PHACTR4: variants seen among roughly 807,000 people sequenced by gnomAD.
The protein encoded by PHACTR4 is phosphatase and actin regulator 4, also known as protein phosphatase 1, regulatory subunit 124.
In PHACTR4, 51 loss-of-function variants were observed where a neutral mutation model predicts 72.7. The observed-to-expected ratio is 0.70, with a 90% CI of 0.56 to 0.89. The LOEUF is 0.89. PHACTR4 is among the 40% of genes least tolerant of loss of function. The pLI, the probability that PHACTR4 is intolerant of heterozygous loss-of-function variation, is 0.00. For missense variants in PHACTR4, 731 were observed against 861.8 expected (o/e 0.85, Z 1.90); for synonymous variants, 255 against 302.5 (o/e 0.84, Z 1.63).
intron 1 of PHACTR4, among the ~76,000 whole-genome samples, chr1:28,397,136 T>C (rs1234047746): frequency 1.3e-5 from 2 of 152,186 alleles, no homozygotes; most frequent in African/African-American, 2.4e-5. Context: ...CATGATAGAA[T>C]TAAAAACTGC....
rs1658636734 is a variant in PHACTR4 at position 28,459,356 on chromosome 1, A to C, written c.190+98A>C. 5 of 901,360 alleles carry C rather than the reference A, an allele frequency of 5.5e-6. No homozygotes were observed. The East Asian group carries it at 1.1e-4, about 20-fold the overall frequency. 55.8% of individuals were successfully genotyped at this position (901,360 alleles called of 1,614,324 possible). A position where few individuals can be genotyped will look rare whatever the true frequency, so the allele number is the denominator to read the frequency against. ...TCTTCCCAAGTTTCTGTAGTCCTCT[A>C]TTTGAAGAGGGTATTTAATGTTTTA... On this transcript the variant is annotated intron_variant, in intron 3 of 13. Coordinates refer to ENST00000373839, the MANE Select transcript of PHACTR4 (RefSeq NM_001048183.3).
chr1:28,392,075 G>A (rs907982408), intron 1 of PHACTR4, among the ~76,000 whole-genome samples: 1 of 152,090 alleles, frequency 6.6e-6, no homozygotes, highest in African/African-American at 2.4e-5. Context: ...TTTGCTTTCT[G>A]TGGTTTTAGT....
At chr1:28,459,613 G>A (rs1570023536) in intron 3 of PHACTR4, among the ~76,000 whole-genome samples, 1 of 151,520 alleles carries the variant, frequency 6.6e-6, no homozygotes, top group South Asian at 2.1e-4. Flanking sequence ...TGTTTCCCAG[G>A]CTGGTCTTGA....
rs148048015 is a variant in PHACTR4 at position 28,396,720 on chromosome 1, G to T, written c.-38-10690G>T. Among the ~76,000 whole-genome samples, 2,989 of 148,842 alleles carry T rather than the reference G, an allele frequency of 0.02. 291 individuals carry two copies. The East Asian group carries it at 0.29, about 15-fold the overall frequency. ...GTCTCCCAGGCTGGAGTGCAATGGCGCAATCTCGGCTCACTGCAACCTCTG... is the reference window on the plus strand; with the variant it reads ...GTCTCCCAGGCTGGAGTGCAATGGCTCAATCTCGGCTCACTGCAACCTCTG... On this transcript the variant is annotated intron_variant, in intron 1 of 13. Coordinates refer to ENST00000373839, the MANE Select transcript of PHACTR4 (RefSeq NM_001048183.3).
intron 1 of PHACTR4, among the ~76,000 whole-genome samples, chr1:28,374,180 A>G (rs1161601483): frequency 6.6e-6 from 1 of 152,186 alleles, no homozygotes; most frequent in Non-Finnish European, 1.5e-5. Flanking sequence ...CAACGCTCAA[A>G]AAGTGGTGAG....
intron 1 of PHACTR4, among the ~76,000 whole-genome samples, chr1:28,388,787 T>C (rs1346791630): frequency 6.6e-6 from 1 of 151,484 alleles, no homozygotes; most frequent in Admixed American, 6.6e-5. Flanking sequence ...GAGGCGGAGG[T>C]TGCAGTGAGC....
intron 2 of PHACTR4, among the ~76,000 whole-genome samples, chr1:28,437,311 C>A (rs1017349165): frequency 3.9e-5 from 6 of 152,126 alleles, no homozygotes; most frequent in African/African-American, 1.4e-4. Context: ...TCACAACTCA[C>A]CTCCTGGGCT....
At chr1:28,406,126 G>A (rs898009736) in intron 1 of PHACTR4, among the ~76,000 whole-genome samples, 1 of 152,132 alleles carries the variant, frequency 6.6e-6, no homozygotes, top group Admixed American at 6.6e-5. Context: ...TGATAAGATT[G>A]TATTAAAATT....
chr1:28,466,375 T>TA lies in PHACTR4; in HGVS notation c.437-6dup. 1.2e-6 allele frequency: 2 copies of TA among 1,605,538 alleles called. No individual in the cohort carries two copies. The highest frequency in any genetic ancestry group is 1.7e-6 in the Non-Finnish European group (2 of 1,173,022). ...TCCCTTTTTATACCATACATGTTATTACACAGGCTCAACTGGAAGCCAGCC... is the reference window on the plus strand; with the variant it reads ...TCCCTTTTTATACCATACATGTTATTAACACAGGCTCAACTGGAAGCCAGCC... On this transcript the variant is annotated splice_region_variant and splice_polypyrimidine_tract_variant and intron_variant, in intron 5 of 13. Transcript: ENST00000373839.
chr1:28,457,162 G>A (rs1328356503), intron 2 of PHACTR4: 1 of 317,808 alleles, frequency 3.1e-6, no homozygotes. Flanking sequence ...AATTACGATT[G>A]TATAAATCTA....
chr1:28,381,252 CT>C (rs1652140293), intron 1 of PHACTR4, among the ~76,000 whole-genome samples: 1 of 150,672 alleles, frequency 6.6e-6, no homozygotes, highest in African/African-American at 2.4e-5. Context: ...ATCTGCCCGC[CT>C]CGGCCTCCTA....
At chr1:28,387,324 A>G (rs948935314) in intron 1 of PHACTR4, among the ~76,000 whole-genome samples, 3 of 152,066 alleles carry the variant, frequency 2.0e-5, no homozygotes, top group African/African-American at 7.2e-5. Flanking sequence ...GTGAGTGACA[A>G]ATAGAAAGAG....
intron 4 of PHACTR4, 61 bp downstream of exon 4, chr1:28,460,353 G>T: frequency 8.4e-7 from 1 of 1,192,294 alleles, no homozygotes; most frequent in South Asian, 1.4e-5. Context: ...GATTGGGTCT[G>T]ACGAGATATT....
chr1:28,407,453 A>G lies in PHACTR4; in HGVS notation c.6A>G (p.Glu2=). ...CTAAACTGGTTAATAGTGGCATGGA[A>G]GATCCATTTGGTGAGTATCACCTAC... M[E]DPFEEADQPT... The change falls in exon 2 of 14, where the codon GAA becomes GAG. Residue 2 remains glutamate, a synonymous_variant. Coordinates refer to ENST00000373839, the MANE Select transcript of PHACTR4 (RefSeq NM_001048183.3). The G allele has an allele frequency of 6.2e-7, 1 of 1,608,094 alleles. No individual in the cohort carries two copies. The highest frequency in any genetic ancestry group is 8.5e-7 in the Non-Finnish European group (1 of 1,175,440).
At chr1:28,443,541 A>G (rs1396122990) in intron 2 of PHACTR4, among the ~76,000 whole-genome samples, 1 of 151,722 alleles carries the variant, frequency 6.6e-6, no homozygotes, top group African/African-American at 2.4e-5. Flanking sequence ...TCAGCCTCCT[A>G]GATTCAAGCG....
chr1:28,398,219 G>A (rs1474856174), intron 1 of PHACTR4, among the ~76,000 whole-genome samples: 1 of 152,118 alleles, frequency 6.6e-6, no homozygotes, highest in African/African-American at 2.4e-5. Context: ...AGCAACAGCA[G>A]CATTAAATAT....
rs1267194667 is a variant in PHACTR4, at chr1:28,496,824, C to A, written c.*275C>A. 20 of 531,468 alleles carry A rather than the reference C, an allele frequency of 3.8e-5. No individual in the cohort carries two copies. The highest frequency in any genetic ancestry group is 6.8e-5 in the Non-Finnish European group (20 of 295,596). 32.9% of individuals were successfully genotyped at this position (531,468 alleles called of 1,614,324 possible). ...CTTACTGGCCACCAAAGTTCTGAAC[C>A]ACTTGCAGGTTCCAGGTTTTACTGG... is the stretch of plus-strand genomic sequence containing the variant. On this transcript the variant is annotated 3_prime_UTR_variant, in exon 14 of 14. Coordinates refer to ENST00000373839, the MANE Select transcript of PHACTR4 (RefSeq NM_001048183.3).
chr1:28,449,851 A>T (rs1475241591), intron 2 of PHACTR4, among the ~76,000 whole-genome samples: 1 of 117,890 alleles, frequency 8.5e-6, no homozygotes, highest in Non-Finnish European at 1.6e-5. Flanking sequence ...CACTCTGTAT[A>T]AAAAAAAAAA....
chr1:28,387,089 T>C (rs1042220456), intron 1 of PHACTR4, among the ~76,000 whole-genome samples: 3 of 151,862 alleles, frequency 2.0e-5, no homozygotes, highest in Admixed American at 6.6e-5. Flanking sequence ...GGTGAAACCC[T>C]GTCTCTACTA....
Sources: gnomAD v4.1 joint callset for allele counts (sites outside exome capture counted in the v4.1 genomes callset) on GRCh38, gnomAD v4.1.1 for gene constraint, MANE v1.5 for transcripts, NCBI Gene and HGNC (gene_info 2026-07-23, HGNC 2026-07-21) for gene names.